Variants in DNMT3B observed in about 807,000 individuals in gnomAD.
DNMT3B encodes DNA methyltransferase 3 beta, also known as DNA (cytosine-5)-methyltransferase 3B.
In DNMT3B, 37 loss-of-function variants were observed where a neutral mutation model predicts 120.2. That is an observed-to-expected ratio of 0.31 (90% CI 0.24 to 0.40). The LOEUF (loss-of-function observed/expected upper bound fraction) is 0.40, where lower values mean the gene tolerates loss of function less well. DNMT3B is among the 10% of genes least tolerant of loss of function. The probability of loss-of-function intolerance (pLI) is 1.00; values close to 1 mark genes in which losing one functional copy is unlikely to be tolerated. For missense variants in DNMT3B, 878 were observed against 1,137.3 expected (o/e 0.77, Z 3.28); for synonymous variants, 412 against 442.8 (o/e 0.93, Z 0.87).
At chr20:32,781,301 C>T (rs968920052) in intron 2 of DNMT3B, 52 bp from the exon 3 acceptor site, 38 of 1,604,626 alleles carry the variant, frequency 2.4e-5, no homozygotes, top group Non-Finnish European at 3.2e-5. Context: ...AGGCCGTTCC[C>T]CAGACTGGTG....
chr20:32,782,729 A>G (rs912036908), intron 3 of DNMT3B, among the ~76,000 whole-genome samples: 1 of 114,526 alleles, frequency 8.7e-6, no homozygotes, highest in African/African-American at 3.4e-5. Context: ...ATGTAGATAT[A>G]GACAAAAACA....
At position 32,800,820 on chromosome 20, in the gene DNMT3B, G is replaced by C. The variant is rs771666897; in HGVS notation, c.1906-15G>C. 1.2e-6 allele frequency: 2 copies of C among 1,612,984 alleles called. No homozygotes were observed. Among genetic ancestry groups the C allele is most frequent in the Non-Finnish European group, 1.7e-6 (2 of 1,179,028 alleles). On this transcript the variant is annotated splice_polypyrimidine_tract_variant and intron_variant, in intron 17 of 22. Coordinates refer to ENST00000328111, the MANE Select transcript of DNMT3B (RefSeq NM_006892.4). The stretch of plus-strand genomic sequence containing the variant: ...CTGTCCACACCCTCATCCTGACTCT[G>C]TCTCTCTCTTTCAGATTGAAGAATG...
chr20:32,792,194 T>G (rs1190425829), intron 8 of DNMT3B, among the ~76,000 whole-genome samples: 1 of 152,212 alleles, frequency 6.6e-6, no homozygotes, highest in Non-Finnish European at 1.5e-5. Flanking sequence ...GACACTGAAA[T>G]CCTTGGTCCT....
At chr20:32,771,533 C>T (rs1436786143) in intron 1 of DNMT3B, among the ~76,000 whole-genome samples, 1 of 150,498 alleles carries the variant, frequency 6.6e-6, no homozygotes, top group Non-Finnish European at 1.5e-5. Context: ...CCCAAGGAAG[C>T]TGAGGCAGGA....
Position 32,762,561 on chromosome 20 carries a change from C to A in DNMT3B, c.-145C>A, listed in dbSNP as rs1269317175. 6 of 354,190 alleles carry A rather than the reference C, an allele frequency of 1.7e-5. No homozygotes were observed. The highest frequency in any genetic ancestry group is 3.5e-5 in the Non-Finnish European group (6 of 172,964). The allele number at this position is 354,190 out of a possible 1,614,324, so 21.9% of individuals were successfully genotyped here. ...GGCCGGCAGCGCTGGGGTTAAGTGGCCCAAGTAAACCTAGCTCGGCGATCG... is the reference window on the plus strand; with the variant it reads ...GGCCGGCAGCGCTGGGGTTAAGTGGACCAAGTAAACCTAGCTCGGCGATCG... On this transcript the variant is annotated 5_prime_UTR_variant, in exon 1 of 23. Coordinates refer to ENST00000328111, the MANE Select transcript of DNMT3B (RefSeq NM_006892.4).
At chr20:32,774,259 G>T (rs1355032864) in intron 1 of DNMT3B, among the ~76,000 whole-genome samples, 1 of 151,816 alleles carries the variant, frequency 6.6e-6, no homozygotes, top group Admixed American at 6.6e-5. Context: ...ACCTAGGCTG[G>T]AGTGCAGTGG....
chr20:32,802,223 C>T (rs761327593), intron 19 of DNMT3B, among the ~76,000 whole-genome samples, 162 bp from the exon 20 acceptor site: 1 of 152,164 alleles, frequency 6.6e-6, no homozygotes, highest in Non-Finnish European at 1.5e-5. Context: ...AGGGCATTTA[C>T]CATGTCCTCT....
chr20:32,795,800 T>G, intron 12 of DNMT3B, 106 bp downstream of exon 12: 82 of 1,373,280 alleles, frequency 6.0e-5, no homozygotes, highest in Non-Finnish European at 7.6e-5. Context: ...CAGAGCTCTG[T>G]TCCTTAACCT....
intron 7 of DNMT3B, among the ~76,000 whole-genome samples, chr20:32,789,825 C>A (rs769154019): frequency 6.6e-6 from 1 of 152,218 alleles, no homozygotes; most frequent in Non-Finnish European, 1.5e-5. Context: ...AACTCCTGAC[C>A]TCAGATGATC....
intron 16 of DNMT3B, 57 bp downstream of exon 16, chr20:32,799,385 G>T (rs1201057531): frequency 6.4e-7 from 1 of 1,568,362 alleles, no homozygotes; most frequent in East Asian, 2.3e-5. Flanking sequence ...GGTAGCCAGG[G>T]AGTCAGAAGG....
In DNMT3B at chr20:32,800,220, G is replaced by A; in HGVS notation, c.1827G>A (p.Glu609=). Residue 609 remains glutamate, a synonymous_variant, in exon 17 of 23, where the codon GAG becomes GAA. Coordinates refer to ENST00000328111, the MANE Select transcript of DNMT3B (RefSeq NM_006892.4). ...GKYVASEVCE[E]SIAVGTVKHE... ...ACGTCGCTTCTGAAGTGTGTGAGGAGTCCATTGCTGTTGGAACCGTGAAGC... is the reference window on the plus strand; with the variant it reads ...ACGTCGCTTCTGAAGTGTGTGAGGAATCCATTGCTGTTGGAACCGTGAAGC... 6.2e-7 allele frequency: 1 copy of A among 1,614,230 alleles called. No individual in the cohort carries two copies. Among genetic ancestry groups the A allele is most frequent in the Non-Finnish European group, 8.5e-7 (1 of 1,180,046 alleles).
Position 32,796,835 on chromosome 20 carries a change from C to T in DNMT3B, c.1343C>T (p.Pro448Leu). The change falls in exon 13 of 23, where the codon CCT becomes CTT. Residue 448 changes from proline (P) to leucine (L), a missense_variant. This residue lies in a region of DNMT3B where 207 missense variants were observed against 222.6 expected (regional missense o/e 0.93). Transcript: ENST00000328111. ...AGGAAAAACCCCGTGTCCTTCCACC[C>T]TCTCTTTGAGGGGGGGCTCTGTCAG... ...CGRKNPVSFHPLFEGGLCQTC... is the reference protein window; with the variant it reads ...CGRKNPVSFHLLFEGGLCQTC... 1 of 1,614,212 alleles carries T rather than the reference C, an allele frequency of 6.2e-7. No individual in the cohort carries two copies. The highest frequency in any genetic ancestry group is 8.5e-7 in the Non-Finnish European group (1 of 1,180,030).
At chr20:32,779,449 T>G (rs1978330253) in intron 1 of DNMT3B, among the ~76,000 whole-genome samples, 1 of 152,240 alleles carries the variant, frequency 6.6e-6, no homozygotes, top group Non-Finnish European at 1.5e-5. Flanking sequence ...CAACAAAATC[T>G]GTGTGCCCAT....
rs1979282212 is a variant in DNMT3B, at chr20:32,786,353, A to T, written c.307-149A>T. ...GGAATTCTGGCTGGACTCAGTCCAG[A>T]GTCCCACCTCATCACCTGTTCACTT... On this transcript the variant is annotated intron_variant, in intron 4 of 22. Transcript: ENST00000328111. The T allele has an allele frequency of 2.6e-6, 3 of 1,136,296 alleles. No homozygotes were observed. The East Asian group carries it at 7.6e-5, about 29-fold the overall frequency. 70.4% of individuals were successfully genotyped at this position (1,136,296 alleles called of 1,614,324 possible). A position where few individuals can be genotyped will look rare whatever the true frequency, so the allele number is the denominator to read the frequency against.
At chr20:32,792,570 G>A (rs980731277) in intron 8 of DNMT3B, 56 bp from the exon 9 acceptor site, 27 of 1,613,110 alleles carry the variant, frequency 1.7e-5, no homozygotes, top group Non-Finnish European at 2.3e-5. Context: ...CCTGGGTGTG[G>A]CCTGGCGAGC....
intron 3 of DNMT3B, among the ~76,000 whole-genome samples, chr20:32,782,716 G>A (rs1978772916): frequency 7.4e-6 from 1 of 135,616 alleles, no homozygotes; most frequent in Non-Finnish European, 1.6e-5. Context: ...CTTTATCATA[G>A]GTATGTAGAT....
chr20:32,802,716 G>A (rs551950531), intron 20 of DNMT3B, among the ~76,000 whole-genome samples: 4 of 152,236 alleles, frequency 2.6e-5, no homozygotes, highest in South Asian at 2.1e-4. Flanking sequence ...AAAGTCCCAC[G>A]TGGCTGGGTG....
chr20:32,775,768 C>T (rs886944036), intron 1 of DNMT3B, among the ~76,000 whole-genome samples: 1 of 152,252 alleles, frequency 6.6e-6, no homozygotes, highest in Non-Finnish European at 1.5e-5. Context: ...ATTCATTGTT[C>T]ATAACTTCTG....
At chr20:32,805,625 CT>C (rs369746148) in intron 21 of DNMT3B, among the ~76,000 whole-genome samples, 1 of 152,142 alleles carries the variant, frequency 6.6e-6, no homozygotes, top group Non-Finnish European at 1.5e-5. Flanking sequence ...GGCAACTAGT[CT>C]TTTTAATTTT....
Sources: allele counts gnomAD v4.1 joint callset (sites outside exome capture counted in the v4.1 genomes callset), GRCh38; gene constraint gnomAD v4.1.1; regional missense constraint gnomAD v4.1.1; transcripts MANE v1.5; gene names NCBI Gene and HGNC (gene_info 2026-07-23, HGNC 2026-07-21).